TIGAR: variants seen among roughly 807,000 people sequenced by gnomAD.
The protein encoded by TIGAR is fructose-2,6-bisphosphatase TIGAR.
A neutral mutation model predicts 17.9 loss-of-function variants in TIGAR; 7 were observed. The ratio of observed to expected loss-of-function variants is 0.39; its 90% CI spans 0.22 to 0.73. The LOEUF is 0.73. Among genes scored for constraint, TIGAR ranks in the 30% least tolerant of loss-of-function variants. The pLI is 0.42. For missense variants in TIGAR, 258 were observed against 327.4 expected (o/e 0.79, Z 1.64); for synonymous variants, 94 against 108.6 (o/e 0.87, Z 0.84).
chr12:4,330,167 T>C (rs61040687), intron 1 of TIGAR, among the ~76,000 whole-genome samples: 7,389 of 152,238 alleles, frequency 0.049, 526 homozygotes, highest in East Asian at 0.33. Flanking sequence ...GATTTTTTTT[T>C]CTAGATCTGA....
intron 4 of TIGAR, among the ~76,000 whole-genome samples, chr12:4,350,399 A>T (rs1030116033): frequency 1.3e-5 from 2 of 152,214 alleles, no homozygotes; most frequent in Admixed American, 1.3e-4. Flanking sequence ...TAGTCCCATG[A>T]ATGACCTAGG....
At chr12:4,348,709 A>G (rs1456827713) in intron 3 of TIGAR, among the ~76,000 whole-genome samples, 4 of 152,256 alleles carry the variant, frequency 2.6e-5, no homozygotes, top group Non-Finnish European at 4.4e-5. Context: ...GACAGTACAT[A>G]TAAAACAGTA....
At chr12:4,329,328 C>CTTTTTTT (rs34584528) in intron 1 of TIGAR, among the ~76,000 whole-genome samples, 1 of 73,264 alleles carries the variant, frequency 1.4e-5, no homozygotes, top group Non-Finnish European at 2.4e-5. Flanking sequence ...AGCTAATGAT[C>CTTTTTTT]TTTTTTTTTT....
In TIGAR at chr12:4,355,257, G is replaced by A. The variant is rs1428881271; in HGVS notation, c.*2566G>A. Among the ~76,000 whole-genome samples, 1 of 151,870 alleles carries A rather than the reference G, an allele frequency of 6.6e-6. No homozygotes were observed. Among genetic ancestry groups the A allele is most frequent in the Admixed American group, 6.5e-5 (1 of 15,270 alleles). On this transcript the variant is annotated 3_prime_UTR_variant, in exon 6 of 6. Coordinates refer to ENST00000179259, the MANE Select transcript of TIGAR (RefSeq NM_020375.3). ...ATTTAATTTTTTTTTTCATGTGGTT[G>A]AAACAGTTATCCCAACACCATTGTA...
In TIGAR at chr12:4,322,246, C is replaced by T. The variant is rs61909218; in HGVS notation, c.32+943C>T. On this transcript the variant is annotated intron_variant, in intron 1 of 5. Transcript: ENST00000179259. ...TCCTGACCTTAAGTGATCCGACTACCTCGGCCTCGCAAAGTGTTGGGATTA... is the reference window on the plus strand; with the variant it reads ...TCCTGACCTTAAGTGATCCGACTACTTCGGCCTCGCAAAGTGTTGGGATTA... 4.0e-3 allele frequency among the ~76,000 whole-genome samples: 614 copies of T among 152,272 alleles called. 1 individual carries two copies. Among genetic ancestry groups the T allele is most frequent in the Admixed American group, 5.4e-3 (83 of 15,300 alleles).
At chr12:4,331,191 G>A in intron 1 of TIGAR, 89 bp from the exon 2 acceptor site, 1 of 1,110,166 alleles carries the variant, frequency 9.0e-7, no homozygotes, top group Non-Finnish European at 1.4e-6. Context: ...TATTTTTAGA[G>A]TATCACCACA....
At chr12:4,337,202 CT>C in intron 3 of TIGAR, 42 bp downstream of exon 3, 1 of 1,503,384 alleles carries the variant, frequency 6.7e-7, no homozygotes, top group Non-Finnish European at 9.1e-7. Flanking sequence ...GAGCGTCACT[CT>C]ATGCCCAGGC....
rs760411449 is a variant in TIGAR, at chr12:4,351,297, A to G, written c.301A>G (p.Ser101Gly). 5.0e-6 allele frequency: 8 copies of G among 1,614,070 alleles called. No homozygotes were observed. The highest frequency in any genetic ancestry group is 6.8e-6 in the Non-Finnish European group (8 of 1,180,038). Residue 101 changes from serine (S) to glycine (G), a missense_variant, in exon 5 of 6, where the codon AGT becomes GGT. Coordinates refer to ENST00000179259, the MANE Select transcript of TIGAR (RefSeq NM_020375.3). Reference sequence around the variant, plus strand: ...CGGGGTTGTAGAAGGCAAAGCGCTAAGTGAGCTGAGGGCCATGGCCAAAGC... The same window carrying G: ...CGGGGTTGTAGAAGGCAAAGCGCTAGGTGAGCTGAGGGCCATGGCCAAAGC... Reference protein sequence around the residue: ...KYGVVEGKALSELRAMAKAAR... With the variant: ...KYGVVEGKALGELRAMAKAAR...
At chr12:4,329,028 G>A (rs1458619995) in intron 1 of TIGAR, among the ~76,000 whole-genome samples, 1 of 152,076 alleles carries the variant, frequency 6.6e-6, no homozygotes, top group Non-Finnish European at 1.5e-5. Flanking sequence ...TCCTTCCATT[G>A]TTTCTTTGTG....
intron 1 of TIGAR, among the ~76,000 whole-genome samples, chr12:4,327,780 G>T (rs567821748): frequency 1.3e-5 from 2 of 152,086 alleles, no homozygotes; most frequent in African/African-American, 4.8e-5. Flanking sequence ...CGATTCTTCT[G>T]CCTCAGCCTC....
At chr12:4,346,628 A>G (rs945510498) in intron 3 of TIGAR, among the ~76,000 whole-genome samples, 1 of 152,114 alleles carries the variant, frequency 6.6e-6, no homozygotes. Context: ...CGGGGGAGGG[A>G]TAGCATTAGT....
Position 4,352,816 on chromosome 12 carries a change from G to A in TIGAR, c.*125G>A. 1 of 823,774 alleles carries A rather than the reference G, an allele frequency of 1.2e-6. No individual in the cohort carries two copies. The highest frequency in any genetic ancestry group is 1.9e-6 in the Non-Finnish European group (1 of 540,470). The allele number at this position is 823,774 out of a possible 1,614,324, so 51.0% of individuals were successfully genotyped here. On this transcript the variant is annotated 3_prime_UTR_variant, in exon 6 of 6. Transcript: ENST00000179259. The stretch of plus-strand genomic sequence containing the variant: ...TTAAAAGCCAATTTTTAGCTCCAGT[G>A]GAACCATAGCCACATAAAACTTTAA...
chr12:4,329,803 C>T (rs1864585454), intron 1 of TIGAR, among the ~76,000 whole-genome samples: 1 of 152,082 alleles, frequency 6.6e-6, no homozygotes, highest in African/African-American at 2.4e-5. Flanking sequence ...TCTCCAGGCC[C>T]TGGGCATGTT....
At chr12:4,351,467 G>T in intron 5 of TIGAR, 90 bp downstream of exon 5, 4 of 963,256 alleles carry the variant, frequency 4.2e-6, no homozygotes, top group South Asian at 3.0e-5. Context: ...AAAGTTGCTT[G>T]GTTCATTCTC....
At chr12:4,323,822 T>C (rs1228145984) in intron 1 of TIGAR, among the ~76,000 whole-genome samples, 1 of 152,236 alleles carries the variant, frequency 6.6e-6, no homozygotes, top group Non-Finnish European at 1.5e-5. Context: ...GGTTCAATGC[T>C]TTCCGGTCTG....
chr12:4,334,362 C>G (rs1864636379), intron 2 of TIGAR, among the ~76,000 whole-genome samples: 1 of 152,170 alleles, frequency 6.6e-6, no homozygotes, highest in Admixed American at 6.5e-5. Context: ...GACACTAATC[C>G]TGTTCATGAG....
At chr12:4,345,947 A>T (rs897217472) in intron 3 of TIGAR, among the ~76,000 whole-genome samples, 3 of 152,262 alleles carry the variant, frequency 2.0e-5, no homozygotes, top group Non-Finnish European at 2.9e-5. Context: ...TGGGCAAAGG[A>T]TATGAACAGA....
At chr12:4,336,342 T>G (rs1051240033) in intron 2 of TIGAR, among the ~76,000 whole-genome samples, 1 of 152,024 alleles carries the variant, frequency 6.6e-6, no homozygotes, top group Non-Finnish European at 1.5e-5. Context: ...GTCCACCACC[T>G]TCATTTTTTT....
In TIGAR at chr12:4,354,500, T is replaced by A. The variant is rs1049235376; in HGVS notation, c.*1809T>A. 6.6e-6 allele frequency: 1 copy of A among 152,124 alleles called. No homozygotes were observed. The highest frequency in any genetic ancestry group is 2.4e-5 in the African/African-American group (1 of 41,424). 9.4% of individuals were successfully genotyped at this position (152,124 alleles called of 1,614,324 possible). On this transcript the variant is annotated 3_prime_UTR_variant, in exon 6 of 6. Transcript: ENST00000179259. The stretch of plus-strand genomic sequence containing the variant: ...TGTTCATCTGCTTGCAATGTTCATC[T>A]GTTCCTTATATTTTCACCTAGTGTC...
Sources: allele counts gnomAD v4.1 joint callset (sites outside exome capture counted in the v4.1 genomes callset), GRCh38; gene constraint gnomAD v4.1.1; transcripts MANE v1.5; gene names NCBI Gene and HGNC (gene_info 2026-07-23, HGNC 2026-07-21).